The following ZNF326 variants were observed in gnomAD, a reference collection of about 807,000 sequenced individuals.
The protein encoded by ZNF326 is DBIRD complex subunit ZNF326.
ZNF326 carries 30 observed loss-of-function variants against 63.1 expected under a neutral mutation model. The ratio of observed to expected loss-of-function variants is 0.48; its 90% CI spans 0.36 to 0.64. The LOEUF is 0.64. Among genes scored for constraint, ZNF326 ranks in the 30% least tolerant of loss-of-function variants. The pLI, the probability that ZNF326 is intolerant of heterozygous loss-of-function variation, is 0.00. For missense variants in ZNF326, 609 were observed against 720.3 expected, an observed-to-expected ratio of 0.85 and a Z score of 1.77; for synonymous variants, 194 against 228.2, an observed-to-expected ratio of 0.85 and a Z score of 1.35.
chr1:90,022,427 A>T, intron 11 of ZNF326, 82 bp downstream of exon 11: 1 of 977,302 alleles, frequency 1.0e-6, no homozygotes, highest in Non-Finnish European at 1.6e-6. Context: ...CTTTTGTGAT[A>T]CTTGAATATA....
Position 90,033,866 on chromosome 1 carries a change from T to G in ZNF326, c.*6165T>G, listed in dbSNP as rs1336580805. On this transcript the variant is annotated 3_prime_UTR_variant, in exon 12 of 12. Transcript: ENST00000340281. ...CCAGGTAAATACTATGCAATAAATATTTTTGAATGTATGTATGTATGTTAC... is the reference window on the plus strand; with the variant it reads ...CCAGGTAAATACTATGCAATAAATAGTTTTGAATGTATGTATGTATGTTAC... 6.6e-6 allele frequency: 1 copy of G among 151,928 alleles called. No individual in the cohort carries two copies. Among genetic ancestry groups the G allele is most frequent in the Non-Finnish European group, 1.5e-5 (1 of 67,948 alleles). The allele number at this position is 151,928 out of a possible 1,614,324, so 9.4% of individuals were successfully genotyped here. A position where few individuals can be genotyped will look rare whatever the true frequency, so the allele number is the denominator to read the frequency against.
intron 8 of ZNF326, among the ~76,000 whole-genome samples, chr1:90,018,022 A>G (rs552387794): frequency 6.6e-6 from 1 of 152,224 alleles, no homozygotes; most frequent in East Asian, 1.9e-4. Context: ...GGCCGGGCGC[A>G]GTGGCTCACG....
intron 8 of ZNF326, among the ~76,000 whole-genome samples, chr1:90,018,064 C>A (rs547310635): frequency 7.9e-5 from 12 of 152,076 alleles, no homozygotes; most frequent in Non-Finnish European, 1.6e-4. Flanking sequence ...GAGGCTGAAG[C>A]GGGTGGATCA....
chr1:90,031,898 C>G lies in ZNF326; in HGVS notation c.*4197C>G, dbSNP rs1275265512. The G allele has an allele frequency of 6.6e-6, 1 of 152,162 alleles. No homozygotes were observed. Among genetic ancestry groups the G allele is most frequent in the African/African-American group, 2.4e-5 (1 of 41,434 alleles). 9.4% of individuals were successfully genotyped at this position (152,162 alleles called of 1,614,324 possible). A position where few individuals can be genotyped will look rare whatever the true frequency, so the allele number is the denominator to read the frequency against. ...TTACAGTTTGACACCTGTTGATGGA[C>G]AGAAAATGGAGTAACCGTCCAGGCA... On this transcript the variant is annotated 3_prime_UTR_variant, in exon 12 of 12. Transcript: ENST00000340281.
At chr1:90,015,607 G>A (rs1291248286) in intron 7 of ZNF326, among the ~76,000 whole-genome samples, 1 of 152,188 alleles carries the variant, frequency 6.6e-6, no homozygotes, top group Non-Finnish European at 1.5e-5. Flanking sequence ...TTGAGCTTGG[G>A]AGGTGGAGGT....
Position 90,022,329 on chromosome 1 carries a change from A to G in ZNF326, c.1385A>G (p.Tyr462Cys), listed in dbSNP as rs779045342. ...ILNNPIVKAR[Y>C]ERFVKGENPF... ...AATAATCCAATAGTGAAGGCGCGATATGAACGTTTTGTTAAGGTAAGATTT... is the reference window on the plus strand; with the variant it reads ...AATAATCCAATAGTGAAGGCGCGATGTGAACGTTTTGTTAAGGTAAGATTT... Residue 462 changes from tyrosine to cysteine, a missense_variant, in exon 11 of 12, where the codon TAT becomes TGT. Coordinates refer to ENST00000340281, the MANE Select transcript of ZNF326 (RefSeq NM_182976.4). 2.5e-6 allele frequency: 4 copies of G among 1,612,552 alleles called. No individual in the cohort carries two copies. Among genetic ancestry groups the G allele is most frequent in the Non-Finnish European group, 3.4e-6 (4 of 1,179,224 alleles).
At chr1:90,025,125 T>G (rs1387665823) in intron 11 of ZNF326, among the ~76,000 whole-genome samples, 1 of 152,128 alleles carries the variant, frequency 6.6e-6, no homozygotes, top group African/African-American at 2.4e-5. Context: ...GGTAGTTTAC[T>G]TTGCACGTGC....
chr1:90,035,261 T>C lies in ZNF326; in HGVS notation c.*7560T>C. The C allele has an allele frequency of 6.6e-6, 1 of 152,176 alleles. No individual in the cohort carries two copies. The highest frequency in any genetic ancestry group is 1.9e-4 in the East Asian group (1 of 5,200). 9.4% of individuals were successfully genotyped at this position (152,176 alleles called of 1,614,324 possible). A position where few individuals can be genotyped will look rare whatever the true frequency, so the allele number is the denominator to read the frequency against. ...ATAGTCCTTATTTTGAGCAGTGTGA[T>C]TGTAGAGACAAACATCCAAGAGAAA... On this transcript the variant is annotated 3_prime_UTR_variant, in exon 12 of 12. Transcript: ENST00000340281.
At chr1:90,009,194 T>G (rs543196380) in intron 5 of ZNF326, among the ~76,000 whole-genome samples, 1 of 152,300 alleles carries the variant, frequency 6.6e-6, no homozygotes, top group South Asian at 2.1e-4. Context: ...TGGACTTTTC[T>G]TTCTTTCCTC....
At chr1:89,996,039 C>A (rs779646268) in intron 1 of ZNF326, among the ~76,000 whole-genome samples, 5 of 152,186 alleles carry the variant, frequency 3.3e-5, no homozygotes, top group Non-Finnish European at 7.3e-5. Flanking sequence ...GTTTGACTTA[C>A]GGATTAAATA....
chr1:90,000,090 G>T (rs1648597691), intron 2 of ZNF326, among the ~76,000 whole-genome samples: 2 of 152,116 alleles, frequency 1.3e-5, no homozygotes, highest in Non-Finnish European at 2.9e-5. Context: ...CAATTTTAGA[G>T]TCTCTGGGGA....
Position 90,033,893 on chromosome 1 carries a change from G to A in ZNF326, c.*6192G>A, listed in dbSNP as rs1254388326. ...TTTGAATGTATGTATGTATGTTACA[G>A]TATAAATATATAGAGGAGTTCCAGA... On this transcript the variant is annotated 3_prime_UTR_variant, in exon 12 of 12. Transcript: ENST00000340281. 1.3e-5 allele frequency: 2 copies of A among 151,472 alleles called. No homozygotes were observed. The highest frequency in any genetic ancestry group is 6.6e-5 in the Admixed American group (1 of 15,208). The allele number at this position is 151,472 out of a possible 1,614,324, so 9.4% of individuals were successfully genotyped here.
At chr1:90,017,597 A>C in intron 8 of ZNF326, 133 bp downstream of exon 8, 1 of 769,274 alleles carries the variant, frequency 1.3e-6, no homozygotes, top group Non-Finnish European at 2.0e-6. Flanking sequence ...GAGTTGTTTT[A>C]AAATTAACTC....
At chr1:90,013,805 T>A (rs975239941) in intron 7 of ZNF326, among the ~76,000 whole-genome samples, 4 of 151,840 alleles carry the variant, frequency 2.6e-5, no homozygotes, top group African/African-American at 9.7e-5. Flanking sequence ...GGCTCATGCC[T>A]GTAATCCCAG....
rs1649057533 is a variant in ZNF326, at chr1:90,007,801, A to T, written c.615+51A>T. 1.4e-6 allele frequency: 2 copies of T among 1,439,248 alleles called. No homozygotes were observed. The highest frequency in any genetic ancestry group is 3.5e-5 in the South Asian group (2 of 57,724). 89.2% of individuals were successfully genotyped at this position (1,439,248 alleles called of 1,614,324 possible). On this transcript the variant is annotated intron_variant, in intron 5 of 11. Transcript: ENST00000340281. The surrounding 1 kb of genome is among the most constrained non-coding windows in gnomAD (Gnocchi z 4.9). ...TTCTTTTCACTAGTCACTCTTTTAAACCCTTTCAAGACCATCGTTTTCAAC... is the reference window on the plus strand; with the variant it reads ...TTCTTTTCACTAGTCACTCTTTTAATCCCTTTCAAGACCATCGTTTTCAAC...
chr1:90,018,361 A>G (rs1360402404), intron 8 of ZNF326, among the ~76,000 whole-genome samples: 1 of 151,984 alleles, frequency 6.6e-6, no homozygotes, highest in African/African-American at 2.4e-5. Context: ...TTAATTAACA[A>G]TCTTCTGTAA....
intron 2 of ZNF326, among the ~76,000 whole-genome samples, chr1:89,998,715 A>G (rs1648521630): frequency 6.6e-6 from 1 of 152,168 alleles, no homozygotes; most frequent in East Asian, 1.9e-4. Flanking sequence ...ATACAATTGG[A>G]TGTCATTTTG....
chr1:90,028,752 C>T lies in ZNF326; in HGVS notation c.*1051C>T, dbSNP rs1650139064. On this transcript the variant is annotated 3_prime_UTR_variant, in exon 12 of 12. Coordinates refer to ENST00000340281, the MANE Select transcript of ZNF326 (RefSeq NM_182976.4). ...TTTATTTTCAAACAACCGTCTATGT[C>T]ACTAAAAAGTAGTGCTCTTATTTTT... 6.6e-6 allele frequency: 1 copy of T among 151,644 alleles called. No homozygotes were observed. Among genetic ancestry groups the T allele is most frequent in the African/African-American group, 2.4e-5 (1 of 41,312 alleles). The allele number at this position is 151,644 out of a possible 1,614,324, so 9.4% of individuals were successfully genotyped here.
intron 8 of ZNF326, among the ~76,000 whole-genome samples, chr1:90,017,991 A>G (rs1223710720): frequency 6.6e-6 from 1 of 152,146 alleles, no homozygotes; most frequent in African/African-American, 2.4e-5. Context: ...AATTATTAGA[A>G]AGTTAAAAAT....
Sources: gnomAD v4.1 joint callset for allele counts (sites outside exome capture counted in the v4.1 genomes callset) on GRCh38, gnomAD v4.1.1 for gene constraint, Gnocchi (gnomAD v3.1) non-coding constraint, MANE v1.5 for transcripts, NCBI Gene and HGNC (gene_info 2026-07-23, HGNC 2026-07-21) for gene names.